The following NRXN1 variants were observed in gnomAD, a reference collection of about 807,000 sequenced individuals.
NRXN1 encodes the protein neurexin-1.
NRXN1 carries 39 observed loss-of-function variants against 150.9 expected under a neutral mutation model. The observed-to-expected ratio is 0.26, with a 90% CI of 0.20 to 0.34. The LOEUF is 0.34. Ranked by LOEUF, NRXN1 falls within the 10% of genes least tolerant of loss-of-function variation. The pLI is 1.00. For missense variants in NRXN1, 1,815 were observed against 1,949.9 expected, an observed-to-expected ratio of 0.93 and a Z score of 1.30; for synonymous variants, 924 against 757.0, an observed-to-expected ratio of 1.22 and a Z score of -3.62.
At position 49,921,865 on chromosome 2, in the gene NRXN1, G is replaced by T; in HGVS notation, c.*79C>A. The T allele has an allele frequency of 7.0e-7, 1 of 1,427,944 alleles. No individual in the cohort carries two copies. Among genetic ancestry groups the T allele is most frequent in the Middle Eastern group, 2.0e-4 (1 of 4,934 alleles). 88.5% of individuals were successfully genotyped at this position (1,427,944 alleles called of 1,614,324 possible). A position where few individuals can be genotyped will look rare whatever the true frequency, so the allele number is the denominator to read the frequency against. On this transcript the variant is annotated 3_prime_UTR_variant, in exon 23 of 23. Coordinates refer to ENST00000401669, the MANE Select transcript of NRXN1 (RefSeq NM_001330078.2). ...TTCTTTTGTATGTGCTTCATAAAAA[G>T]GAAAGTAAATAAGTTTATATTATGT... is the stretch of plus-strand genomic sequence containing the variant.
At chr2:50,400,812 A>G (rs1271177122) in intron 17 of NRXN1, among the ~76,000 whole-genome samples, 1 of 152,238 alleles carries the variant, frequency 6.6e-6, no homozygotes, top group African/African-American at 2.4e-5. Flanking sequence ...TATTTTTATA[A>G]GATTTGGTAG....
At chr2:50,709,377 T>C (rs1694849746) in intron 5 of NRXN1, among the ~76,000 whole-genome samples, 1 of 151,958 alleles carries the variant, frequency 6.6e-6, no homozygotes, top group Non-Finnish European at 1.5e-5. Context: ...ATAAGTACAG[T>C]GAAATAGAAA....
chr2:50,373,641 A>G (rs1011318237), intron 17 of NRXN1, among the ~76,000 whole-genome samples: 6 of 104,106 alleles, frequency 5.8e-5, no homozygotes, highest in Non-Finnish European at 6.2e-5. Flanking sequence ...AAAGAAAGAA[A>G]GAAAGAAAGA....
intron 5 of NRXN1, among the ~76,000 whole-genome samples, chr2:50,885,960 A>G (rs924266549): frequency 4.6e-5 from 7 of 151,398 alleles, no homozygotes; most frequent in African/African-American, 1.7e-4. Context: ...TACAAAATAA[A>G]ATATCTAAGG....
intron 21 of NRXN1, among the ~76,000 whole-genome samples, chr2:49,981,330 C>A (rs1352453353): frequency 2.6e-5 from 4 of 151,634 alleles, no homozygotes; most frequent in Non-Finnish European, 5.9e-5. Flanking sequence ...CATCAAAAAA[C>A]CATAGTCCAT....
chr2:50,858,423 A>AT (rs1320867900), intron 5 of NRXN1, among the ~76,000 whole-genome samples: 1 of 152,078 alleles, frequency 6.6e-6, no homozygotes, highest in Non-Finnish European at 1.5e-5. Flanking sequence ...TTGTTGGAAA[A>AT]AAAAATCTGA....
chr2:50,577,028 A>C (rs1298753106), intron 8 of NRXN1, among the ~76,000 whole-genome samples: 2 of 152,098 alleles, frequency 1.3e-5, no homozygotes, highest in African/African-American at 4.8e-5. Flanking sequence ...ACTTGTATCT[A>C]TATTCCCACT....
intron 18 of NRXN1, among the ~76,000 whole-genome samples, chr2:50,170,382 G>A (rs781259047): frequency 9.9e-5 from 15 of 152,002 alleles, no homozygotes; most frequent in African/African-American, 3.1e-4. Flanking sequence ...TGCAACCTCC[G>A]CCTCCTGGAT....
chr2:50,238,429 A>G (rs1430322306), intron 17 of NRXN1, among the ~76,000 whole-genome samples: 3 of 152,026 alleles, frequency 2.0e-5, no homozygotes, highest in African/African-American at 7.2e-5. Context: ...ACTTGCAGAC[A>G]GCAGATCATA....
At chr2:50,941,501 C>G (rs968992006) in intron 2 of NRXN1, among the ~76,000 whole-genome samples, 1 of 152,038 alleles carries the variant, frequency 6.6e-6, no homozygotes, top group Non-Finnish European at 1.5e-5. Context: ...CTGAGGTGGT[C>G]TCAGATGAAG....
At chr2:50,141,322 A>G (rs1707245838) in intron 18 of NRXN1, among the ~76,000 whole-genome samples, 1 of 152,112 alleles carries the variant, frequency 6.6e-6, no homozygotes, top group African/African-American at 2.4e-5. Context: ...AAAACAATAA[A>G]GATTTAAAGG....
chr2:50,187,213 A>C (rs898136768), intron 18 of NRXN1, among the ~76,000 whole-genome samples: 3 of 152,084 alleles, frequency 2.0e-5, no homozygotes, highest in Non-Finnish European at 2.9e-5. Flanking sequence ...TGAATATTAC[A>C]CATCCTGAGA....
intron 2 of NRXN1, among the ~76,000 whole-genome samples, chr2:51,003,756 G>C (rs11890124): frequency 0.027 from 4,040 of 152,018 alleles, 209 homozygotes; most frequent in African/African-American, 0.092. Flanking sequence ...GCAAAGGAGA[G>C]GGGGAGGAAG....
intron 2 of NRXN1, among the ~76,000 whole-genome samples, chr2:51,010,924 G>A (rs1667753499): frequency 6.6e-6 from 1 of 151,798 alleles, no homozygotes; most frequent in South Asian, 2.1e-4. Context: ...GGAACTACAG[G>A]TGTATGCCAC....
intron 13 of NRXN1, among the ~76,000 whole-genome samples, chr2:50,498,309 T>C (rs1225070620): frequency 6.6e-6 from 1 of 152,208 alleles, no homozygotes; most frequent in Non-Finnish European, 1.5e-5. Flanking sequence ...TCGTGCTCAA[T>C]AATGACCATA....
chr2:50,227,159 C>T (rs957242669), intron 18 of NRXN1, among the ~76,000 whole-genome samples: 9 of 89,256 alleles, frequency 1.0e-4, no homozygotes, highest in East Asian at 2.5e-4. Flanking sequence ...TACACAAAGA[C>T]GGGAAAAAAA....
At chr2:50,872,070 C>T (rs1169033749) in intron 5 of NRXN1, among the ~76,000 whole-genome samples, 2 of 151,832 alleles carry the variant, frequency 1.3e-5, no homozygotes, top group Non-Finnish European at 2.9e-5. Flanking sequence ...GAGACAACTA[C>T]CTTTAACTCT....
intron 5 of NRXN1, among the ~76,000 whole-genome samples, chr2:50,833,440 A>T (rs1348858248): frequency 6.6e-6 from 1 of 152,172 alleles, no homozygotes; most frequent in Non-Finnish European, 1.5e-5. Flanking sequence ...ATACTGTGGT[A>T]CCTCCCTACA....
At chr2:50,878,568 G>C (rs1678955212) in intron 5 of NRXN1, among the ~76,000 whole-genome samples, 1 of 151,902 alleles carries the variant, frequency 6.6e-6, no homozygotes, top group East Asian at 1.9e-4. Flanking sequence ...TGTAATTCTA[G>C]AACCCTGGAC....
Sources: allele counts gnomAD v4.1 joint callset (sites outside exome capture counted in the v4.1 genomes callset), GRCh38; gene constraint gnomAD v4.1.1; transcripts MANE v1.5; gene names NCBI Gene and HGNC (gene_info 2026-07-23, HGNC 2026-07-21).